Variants in SNTB1 observed in about 807,000 individuals in gnomAD.
SNTB1 encodes the protein syntrophin beta 1.
In SNTB1, 36 loss-of-function variants were observed where a neutral mutation model predicts 48.9. The observed-to-expected ratio is 0.74, with a 90% CI of 0.56 to 0.97. The LOEUF (loss-of-function observed/expected upper bound fraction) is 0.97. Ranked by LOEUF, SNTB1 falls within the 50% of genes least tolerant of loss-of-function variation. The pLI, the probability that SNTB1 is intolerant of heterozygous loss-of-function variation, is 0.00. For synonymous variants in SNTB1, 299 were observed against 294.6 expected, an observed-to-expected ratio of 1.01 and a Z score of -0.15; for missense variants, 786 against 703.4, an observed-to-expected ratio of 1.12 and a Z score of -1.33.
At chr8:120,699,761 A>G (rs1818274101) in intron 1 of SNTB1, among the ~76,000 whole-genome samples, 1 of 152,318 alleles carries the variant, frequency 6.6e-6, no homozygotes, top group East Asian at 1.9e-4. Flanking sequence ...TGACAGCTCT[A>G]TGTCCACCTA....
At chr8:120,780,091 A>G (rs934155247) in intron 1 of SNTB1, among the ~76,000 whole-genome samples, 17 of 151,730 alleles carry the variant, frequency 1.1e-4, no homozygotes, top group African/African-American at 4.1e-4. Context: ...AGTTAAAAAA[A>G]AAAAAAAAAG....
At chr8:120,564,410 T>C (rs1171348370) in intron 4 of SNTB1, among the ~76,000 whole-genome samples, 1 of 150,010 alleles carries the variant, frequency 6.7e-6, no homozygotes, top group Admixed American at 6.7e-5. Context: ...AAACTGATCA[T>C]GCTGGCACTT....
At chr8:120,703,164 G>A (rs1285367849) in intron 1 of SNTB1, among the ~76,000 whole-genome samples, 9 of 152,080 alleles carry the variant, frequency 5.9e-5, no homozygotes, top group Non-Finnish European at 1.2e-4. Flanking sequence ...TGGCTTTGTC[G>A]CCCAGGCTGG....
chr8:120,714,274 C>T (rs983661320), intron 1 of SNTB1, among the ~76,000 whole-genome samples: 2 of 152,086 alleles, frequency 1.3e-5, no homozygotes, highest in Non-Finnish European at 2.9e-5. Context: ...GAAAGCAGTG[C>T]GTGCAAGCCA....
chr8:120,660,264 C>CT (rs1264669948), intron 2 of SNTB1, among the ~76,000 whole-genome samples: 5 of 152,232 alleles, frequency 3.3e-5, no homozygotes, highest in African/African-American at 1.2e-4. Flanking sequence ...CAATTCTAGG[C>CT]TGTTTCATCT....
At chr8:120,558,052 A>G (rs1815595801) in intron 4 of SNTB1, among the ~76,000 whole-genome samples, 2 of 152,240 alleles carry the variant, frequency 1.3e-5, no homozygotes, top group Non-Finnish European at 2.9e-5. Context: ...TCATTTGGAC[A>G]TTTGAAAAGG....
chr8:120,806,962 C>T (rs1468876672), intron 1 of SNTB1, among the ~76,000 whole-genome samples: 1 of 152,156 alleles, frequency 6.6e-6, no homozygotes, highest in Admixed American at 6.5e-5. Context: ...ATTGTGACAG[C>T]GAGGTTCCAG....
At chr8:120,598,000 T>C (rs762845121) in intron 3 of SNTB1, among the ~76,000 whole-genome samples, 7 of 152,206 alleles carry the variant, frequency 4.6e-5, no homozygotes, top group South Asian at 4.1e-4. Flanking sequence ...ACAAAAGTCT[T>C]CATTAATTCC....
At chr8:120,690,723 C>T (rs1305849071) in intron 2 of SNTB1, among the ~76,000 whole-genome samples, 1 of 152,208 alleles carries the variant, frequency 6.6e-6, no homozygotes, top group East Asian at 1.9e-4. Flanking sequence ...TTGCATTCAG[C>T]ATAGAGTTGG....
At chr8:120,666,687 T>C (rs888581582) in intron 2 of SNTB1, among the ~76,000 whole-genome samples, 2 of 152,216 alleles carry the variant, frequency 1.3e-5, no homozygotes, top group Non-Finnish European at 2.9e-5. Flanking sequence ...TGATTTTTGA[T>C]TCCTTCTCCC....
At chr8:120,539,878 A>C (rs1238355975) in intron 6 of SNTB1, among the ~76,000 whole-genome samples, 1 of 152,210 alleles carries the variant, frequency 6.6e-6, no homozygotes, top group African/African-American at 2.4e-5. Context: ...CCAATGAAGA[A>C]GCTATTGTTA....
chr8:120,742,180 C>T (rs1351041110), intron 1 of SNTB1, among the ~76,000 whole-genome samples: 17 of 152,214 alleles, frequency 1.1e-4, no homozygotes, highest in Admixed American at 1.1e-3. Flanking sequence ...ATCAATTCCT[C>T]TGACAGCCAA....
chr8:120,662,622 C>T (rs1817608405), intron 2 of SNTB1, among the ~76,000 whole-genome samples: 1 of 152,062 alleles, frequency 6.6e-6, no homozygotes, highest in South Asian at 2.1e-4. Context: ...CTTCTGAGCT[C>T]CTAGGTGGTC....
At chr8:120,770,351 G>A (rs554775328) in intron 1 of SNTB1, among the ~76,000 whole-genome samples, 7 of 151,056 alleles carry the variant, frequency 4.6e-5, no homozygotes, top group East Asian at 1.9e-4. Context: ...CCCTACAGAC[G>A]ACATCCACCT....
chr8:120,583,181 C>G (rs1468540894), intron 3 of SNTB1, among the ~76,000 whole-genome samples: 1 of 152,038 alleles, frequency 6.6e-6, no homozygotes, highest in Non-Finnish European at 1.5e-5. Flanking sequence ...CATTGAAAGA[C>G]AAACTACTAA....
At chr8:120,576,678 C>T (rs1815956172) in intron 3 of SNTB1, among the ~76,000 whole-genome samples, 1 of 152,154 alleles carries the variant, frequency 6.6e-6, no homozygotes, top group African/African-American at 2.4e-5. Flanking sequence ...CAGGCCTGAA[C>T]ACAAATTTGT....
intron 3 of SNTB1, among the ~76,000 whole-genome samples, chr8:120,588,833 G>A (rs1365648733): frequency 6.6e-6 from 1 of 152,184 alleles, no homozygotes; most frequent in African/African-American, 2.4e-5. Flanking sequence ...TCAGAAGCCT[G>A]CTCCTCCTAG....
At chr8:120,622,132 T>C (rs1816803902) in intron 3 of SNTB1, among the ~76,000 whole-genome samples, 1 of 152,120 alleles carries the variant, frequency 6.6e-6, no homozygotes, top group Non-Finnish European at 1.5e-5. Flanking sequence ...CCAAAACACA[T>C]GGAGAAATAT....
At chr8:120,606,026 CA>C (rs2130724869) in intron 3 of SNTB1, among the ~76,000 whole-genome samples, 1 of 152,148 alleles carries the variant, frequency 6.6e-6, no homozygotes, top group East Asian at 1.9e-4. Flanking sequence ...GTGGAATGCA[CA>C]AACTGCACAG....
Sources: allele counts gnomAD v4.1 joint callset (sites outside exome capture counted in the v4.1 genomes callset), GRCh38; gene constraint gnomAD v4.1.1; transcripts MANE v1.5; gene names NCBI Gene and HGNC (gene_info 2026-07-23, HGNC 2026-07-21).